Variants in DDX55 observed in about 807,000 individuals in gnomAD.
The protein encoded by DDX55 is ATP-dependent RNA helicase DDX55.
A neutral mutation model predicts 69.2 loss-of-function variants in DDX55; 56 were observed. The ratio of observed to expected loss-of-function variants is 0.81; its 90% CI spans 0.65 to 1.01. DDX55 has a LOEUF of 1.01. Ranked by LOEUF, DDX55 falls within the 50% of genes least tolerant of loss-of-function variation. DDX55 has a pLI of 0.00. For synonymous variants in DDX55, 268 were observed against 273.1 expected (o/e 0.98, Z 0.18); for missense variants, 720 against 745.1 (o/e 0.97, Z 0.39).
At chr12:123,608,468 A>G (rs987990391) in intron 5 of DDX55, 21 of 501,024 alleles carry the variant, frequency 4.2e-5, no homozygotes, top group Non-Finnish European at 4.8e-5. Context: ...GAGTTTGCCA[A>G]CCTTGCCTAG....
Position 123,615,280 on chromosome 12 carries a change from G to A in DDX55, c.920G>A (p.Arg307His), listed in dbSNP as rs546194499. The change falls in exon 9 of 14, where the codon CGC becomes CAC. Residue 307 changes from arginine to histidine, a missense_variant. By Grantham distance (29) the Arg-to-His change is conservative. Transcript: ENST00000238146. ...MCIHGKMKYKRNKIFMEFRKL... is the reference protein window; with the variant it reads ...MCIHGKMKYKHNKIFMEFRKL... ...ATTCACGGAAAGATGAAATATAAAC[G>A]CAATAAGATCTTCATGGAGTTCCGC... 6.8e-6 allele frequency: 11 copies of A among 1,614,026 alleles called. No homozygotes were observed. Among genetic ancestry groups the A allele is most frequent in the Admixed American group, 3.3e-5 (2 of 60,014 alleles).
chr12:123,613,342 C>A, intron 8 of DDX55, 90 bp downstream of exon 8: 1 of 1,280,026 alleles, frequency 7.8e-7, no homozygotes, highest in Non-Finnish European at 1.1e-6. Flanking sequence ...TTCCATCTAG[C>A]ATGGTTCTCT....
Position 123,618,708 on chromosome 12 carries a change from G to T in DDX55, c.1204G>T (p.Asp402Tyr). The stretch of plus-strand genomic sequence containing the variant: ...GATGAAGCCCCAGAGAAACACAGCG[G>T]ACCTTCTGCCAAAACTCAAGTCCAT... ...QEMKPQRNTA[D>Y]LLPKLKSMAL... The change falls in exon 12 of 14, where the codon GAC becomes TAC. Residue 402 changes from aspartate (D) to tyrosine (Y), a missense_variant. Coordinates refer to ENST00000238146, the MANE Select transcript of DDX55 (RefSeq NM_020936.3). The T allele has an allele frequency of 6.2e-7, 1 of 1,614,196 alleles. No individual in the cohort carries two copies. The highest frequency in any genetic ancestry group is 8.5e-7 in the Non-Finnish European group (1 of 1,180,036).
chr12:123,608,958 T>C lies in DDX55; in HGVS notation c.551+129T>C, dbSNP rs1038237299. 19 of 930,608 alleles carry C rather than the reference T, an allele frequency of 2.0e-5. No homozygotes were observed. The African/African-American group carries it at 2.9e-4, about 14-fold the overall frequency. The allele number at this position is 930,608 out of a possible 1,614,324, so 57.6% of individuals were successfully genotyped here. A position where few individuals can be genotyped will look rare whatever the true frequency, so the allele number is the denominator to read the frequency against. ...TATTTTCATTTTTATTTATTTTTTA[T>C]TTATTTGTTTATTAGAGACAGGGTC... On this transcript the variant is annotated intron_variant, in intron 6 of 13. Transcript: ENST00000238146.
rs1339622629 is a variant in DDX55 at position 123,613,223 on chromosome 12, T to C, written c.795T>C (p.His265=). The C allele has an allele frequency of 6.2e-7, 1 of 1,614,056 alleles. No homozygotes were observed. The highest frequency in any genetic ancestry group is 2.2e-5 in the East Asian group (1 of 44,888). The change falls in exon 8 of 14, where the codon CAT becomes CAC. Residue 265 remains histidine (H), a synonymous_variant. Transcript: ENST00000238146. ...FNQLVHFLRN[H]KQEKHLVFFS... ...AGCTGGTCCATTTTCTTCGCAATCATAAGCAGGAGAAACACCTGGTCTTCT... is the reference window on the plus strand; with the variant it reads ...AGCTGGTCCATTTTCTTCGCAATCACAAGCAGGAGAAACACCTGGTCTTCT...
Position 123,615,319 on chromosome 12 carries a change from G to T in DDX55, c.956+3G>T. On this transcript the variant is annotated splice_donor_region_variant and intron_variant, in intron 9 of 13. Transcript: ENST00000238146. ...ATGGAGTTCCGCAAATTGCAAAGGT[G>T]GGTGGGCTTCATTGAAGGTAGCAGC... 1 of 1,613,410 alleles carries T rather than the reference G, an allele frequency of 6.2e-7. No homozygotes were observed. The highest frequency in any genetic ancestry group is 8.5e-7 in the Non-Finnish European group (1 of 1,179,582).
intron 8 of DDX55, 99 bp downstream of exon 8, chr12:123,613,351 C>T: frequency 8.5e-7 from 1 of 1,170,598 alleles, no homozygotes; most frequent in Non-Finnish European, 1.2e-6. Flanking sequence ...GCATGGTTCT[C>T]TCCGGAATGC....
At chr12:123,615,687 ACTGT>A (rs199727100) in intron 9 of DDX55, among the ~76,000 whole-genome samples, 1,631 of 152,290 alleles carry the variant, frequency 0.011, 32 homozygotes, top group African/African-American at 0.037. Context: ...CTGGGTAGAA[ACTGT>A]CTGTGGCTTA....
intron 10 of DDX55, 108 bp downstream of exon 10, chr12:123,616,711 C>A: frequency 8.2e-7 from 1 of 1,224,338 alleles, no homozygotes; most frequent in Non-Finnish European, 1.2e-6. Context: ...CATTTTATAG[C>A]AAGCCTCCAG....
chr12:123,612,838 A>AG, intron 7 of DDX55, among the ~76,000 whole-genome samples: 1 of 135,782 alleles, frequency 7.4e-6, no homozygotes, highest in East Asian at 2.0e-4. Flanking sequence ...AAAAAAAAGA[A>AG]GAAAAAAAAA....
At chr12:123,611,025 G>A (rs577620264) in intron 7 of DDX55, among the ~76,000 whole-genome samples, 2 of 151,880 alleles carry the variant, frequency 1.3e-5, no homozygotes, top group South Asian at 2.1e-4. Flanking sequence ...TCAGTCTCCC[G>A]AGTAGCTGGG....
At position 123,620,621 on chromosome 12, in the gene DDX55, TATATATAA is replaced by T; in HGVS notation, c.*482_*489del. ...ATATATATATATATATATATATATA[TATATATAA>T]GCTCTTTTTTCTGAGGCTATTTTAT... On this transcript the variant is annotated 3_prime_UTR_variant, in exon 14 of 14. Transcript: ENST00000238146. The T allele has an allele frequency of 1.0e-5, 1 of 100,122 alleles. No individual in the cohort carries two copies. The highest frequency in any genetic ancestry group is 3.6e-5 in the African/African-American group (1 of 27,408). The allele number at this position is 100,122 out of a possible 1,614,324, so 6.2% of individuals were successfully genotyped here. A position where few individuals can be genotyped will look rare whatever the true frequency, so the allele number is the denominator to read the frequency against.
chr12:123,616,722 C>A (rs139811194), intron 10 of DDX55, 119 bp downstream of exon 10: 2 of 1,117,348 alleles, frequency 1.8e-6, no homozygotes, highest in Non-Finnish European at 2.7e-6. Context: ...AAGCCTCCAG[C>A]GTGCTTGGGT....
chr12:123,614,448 T>TA (rs1284783893), intron 8 of DDX55, among the ~76,000 whole-genome samples: 2 of 152,224 alleles, frequency 1.3e-5, no homozygotes, highest in Non-Finnish European at 2.9e-5. Flanking sequence ...GTGTCTCTGG[T>TA]AAGTTTTAGT....
rs764487155 is a variant in DDX55 at position 123,615,357 on chromosome 12, C to G, written c.956+41C>G. ...TGAAGGTAGCAGCTCTCCTGCCACA[C>G]TGCTCTTTCAGGTCCCCAAATGCCC... On this transcript the variant is annotated intron_variant, in intron 9 of 13. Transcript: ENST00000238146. The G allele has an allele frequency of 3.7e-6, 6 of 1,608,020 alleles. No homozygotes were observed. The Admixed American group carries it at 6.7e-5, about 18-fold the overall frequency.
At chr12:123,618,059 C>T in intron 11 of DDX55, 187 bp downstream of exon 11, 1 of 545,920 alleles carries the variant, frequency 1.8e-6, no homozygotes, top group Non-Finnish European at 3.2e-6. Context: ...TCTTGTTGCC[C>T]AGGCTGGAGT....
chr12:123,605,765 G>T, intron 1 of DDX55, 166 bp from the exon 2 acceptor site: 1 of 897,244 alleles, frequency 1.1e-6, no homozygotes. Flanking sequence ...CATAGACACA[G>T]TTGCCACGTT....
chr12:123,618,669 T>G lies in DDX55; in HGVS notation c.1165T>G (p.Cys389Gly), dbSNP rs1954896116. 5 of 1,613,468 alleles carry G rather than the reference T, an allele frequency of 3.1e-6. No homozygotes were observed. The highest frequency in any genetic ancestry group is 4.2e-6 in the Non-Finnish European group (5 of 1,179,726). Residue 389 changes from cysteine (C) to glycine (G), a missense_variant and splice_region_variant, in exon 12 of 14, where the codon TGC becomes GGC. By Grantham distance (159) the Cys-to-Gly change is radical (BLOSUM62 -3). Transcript: ENST00000238146. Reference sequence around the variant, plus strand: ...GAATGTGGTATGTGTGTGTGTGTAGTGCCCCCTGCAGGAGATGAAGCCCCA... The same window carrying G: ...GAATGTGGTATGTGTGTGTGTGTAGGGCCCCCTGCAGGAGATGAAGCCCCA... ...YINFLAINQK[C>G]PLQEMKPQRN...
rs534934584 is a variant in DDX55 at position 123,606,449 on chromosome 12, C to T, written c.246+290C>T. Among the ~76,000 whole-genome samples, 12 of 152,208 alleles carry T rather than the reference C, an allele frequency of 7.9e-5. No individual in the cohort carries two copies. In the East Asian group the frequency reaches 9.6e-4, roughly 12 times the overall value. Reference sequence around the variant, plus strand: ...TTCTGTATTTGTGAATTTGCCTGCTCGTTAAAATTTAGAACACCCCAGTGG... The same window carrying T: ...TTCTGTATTTGTGAATTTGCCTGCTTGTTAAAATTTAGAACACCCCAGTGG... On this transcript the variant is annotated intron_variant, in intron 3 of 13. Coordinates refer to ENST00000238146, the MANE Select transcript of DDX55 (RefSeq NM_020936.3).
Sources: gnomAD v4.1 joint callset for allele counts (sites outside exome capture counted in the v4.1 genomes callset) on GRCh38, gnomAD v4.1.1 for gene constraint, MANE v1.5 for transcripts, NCBI Gene and HGNC (gene_info 2026-07-23, HGNC 2026-07-21) for gene names.